The following COG5 variants were observed in gnomAD, a reference collection of about 807,000 sequenced individuals.
The protein encoded by COG5 is conserved oligomeric Golgi complex subunit 5.
In COG5, 86 loss-of-function variants were observed where a neutral mutation model predicts 110.4. The ratio of observed to expected loss-of-function variants is 0.78; its 90% CI spans 0.65 to 0.93. COG5 has a LOEUF of 0.93. Among genes scored for constraint, COG5 ranks in the 40% least tolerant of loss-of-function variants. COG5 has a pLI of 0.00. For synonymous variants in COG5, 360 were observed against 334.6 expected, an observed-to-expected ratio of 1.08 and a Z score of -0.83; for missense variants, 1,077 against 987.0, an observed-to-expected ratio of 1.09 and a Z score of -1.22.
intron 11 of COG5, among the ~76,000 whole-genome samples, chr7:107,300,014 C>A (rs1355635975): frequency 6.6e-6 from 1 of 151,212 alleles, no homozygotes; most frequent in East Asian, 1.9e-4. Flanking sequence ...AGCCAACATA[C>A]CTGGTCAGCT....
chr7:107,537,044 T>C (rs771246165), intron 5 of COG5, among the ~76,000 whole-genome samples: 2 of 152,190 alleles, frequency 1.3e-5, no homozygotes, highest in Non-Finnish European at 2.9e-5. Flanking sequence ...CCCTATTTAA[T>C]AAATGGTGCT....
chr7:107,448,196 AAAACATGGAATGTTATATT>A lies in COG5; in HGVS notation c.539-35583_539-35565del, dbSNP rs58838600. On this transcript the variant is annotated intron_variant, in intron 6 of 21. Coordinates refer to ENST00000297135, the MANE Select transcript of COG5 (RefSeq NM_006348.5). ...ATTCTTACTGACACCCTCCTCCCCC[AAAACATGGAATGTTATATT>A]GCTGAACAGCTGAAATTACTTCTTC... Among the ~76,000 whole-genome samples the A allele has an allele frequency of 3.7e-3, 557 of 152,228 alleles. 5 individuals are homozygous for A. Among genetic ancestry groups the A allele is most frequent in the African/African-American group, 0.013 (526 of 41,544 alleles).
At chr7:107,266,507 T>C (rs1384438924) in intron 14 of COG5, among the ~76,000 whole-genome samples, 1 of 152,228 alleles carries the variant, frequency 6.6e-6, no homozygotes, top group Non-Finnish European at 1.5e-5. Flanking sequence ...TTCCCCTTCA[T>C]TCATTAAACA....
Position 107,294,881 on chromosome 7 carries a change from T to TTG in COG5, c.1313+3259_1313+3260dup, listed in dbSNP as rs756358916. Among the ~76,000 whole-genome samples, 491 of 94,228 alleles carry TTG rather than the reference T, an allele frequency of 5.2e-3. 4 individuals are homozygous for TTG. The highest frequency in any genetic ancestry group is 6.0e-3 in the Non-Finnish European group (305 of 51,240). The allele number at this position is 94,228 out of a possible 152,430, so 61.8% of individuals were successfully genotyped here. On this transcript the variant is annotated intron_variant, in intron 12 of 21. Transcript: ENST00000297135. ...TAGGCATGTGCCACCATGCCTGGAT[T>TTG]TGTGTGTGTGTGTGTGTGTGTGTGT...
intron 5 of COG5, among the ~76,000 whole-genome samples, chr7:107,534,718 T>G (rs1022565394): frequency 1.3e-5 from 2 of 151,110 alleles, no homozygotes; most frequent in Admixed American, 6.6e-5. Flanking sequence ...ACAGTAACAG[T>G]GGGAGACATT....
intron 6 of COG5, among the ~76,000 whole-genome samples, chr7:107,484,075 C>A (rs2129122860): frequency 6.6e-6 from 1 of 152,020 alleles, no homozygotes; most frequent in East Asian, 1.9e-4. Context: ...TATAAAATAA[C>A]TTTAGCATTT....
intron 6 of COG5, among the ~76,000 whole-genome samples, chr7:107,497,168 C>T (rs964861813): frequency 2.6e-5 from 4 of 152,074 alleles, no homozygotes; most frequent in African/African-American, 9.7e-5. Flanking sequence ...TATGTCTGCG[C>T]CACTGCCACT....
chr7:107,259,775 G>T (rs1053467101), intron 14 of COG5, among the ~76,000 whole-genome samples: 4 of 152,036 alleles, frequency 2.6e-5, no homozygotes, highest in Non-Finnish European at 5.9e-5. Flanking sequence ...AATTTGTTTT[G>T]TGTGTTCAGT....
intron 7 of COG5, among the ~76,000 whole-genome samples, chr7:107,400,170 T>A (rs947268890): frequency 2.0e-4 from 31 of 152,062 alleles, no homozygotes; most frequent in African/African-American, 7.5e-4. Context: ...TAAATGCTCA[T>A]CAATAGGTGA....
At chr7:107,535,509 A>G (rs1801520712) in intron 5 of COG5, among the ~76,000 whole-genome samples, 1 of 151,896 alleles carries the variant, frequency 6.6e-6, no homozygotes, top group Admixed American at 6.5e-5. Context: ...AATACAAACT[A>G]CCATCACAGA....
intron 14 of COG5, among the ~76,000 whole-genome samples, chr7:107,268,480 T>C (rs1053436975): frequency 1.1e-4 from 17 of 152,338 alleles, no homozygotes; most frequent in Admixed American, 7.8e-4. Flanking sequence ...TATTCGTCAT[T>C]CTATGATTGT....
Position 107,563,543 on chromosome 7 carries a change from A to AAG in COG5, c.94+259_94+260insCT, listed in dbSNP as rs1491334770. ...CCGAAACTTCAGGGAAGCTGGAGGC[A>AAG]TGGGGGGGGGGGGGGTCGAGTTGAA... On this transcript the variant is annotated intron_variant, in intron 1 of 21. Transcript: ENST00000297135. 67 of 316,598 alleles carry AAG rather than the reference A, an allele frequency of 2.1e-4. 1 individual carries two copies. Among genetic ancestry groups the AAG allele is most frequent in the South Asian group, 1.5e-3 (65 of 43,410 alleles). 19.6% of individuals were successfully genotyped at this position (316,598 alleles called of 1,614,324 possible).
intron 10 of COG5, among the ~76,000 whole-genome samples, chr7:107,354,442 G>A (rs1264051912): frequency 6.6e-6 from 1 of 152,198 alleles, no homozygotes; most frequent in East Asian, 1.9e-4. Flanking sequence ...ACTTTGGGAA[G>A]CCAAGGCAGG....
At chr7:107,370,446 A>G (rs1814034687) in intron 8 of COG5, among the ~76,000 whole-genome samples, 1 of 152,160 alleles carries the variant, frequency 6.6e-6, no homozygotes, top group African/African-American at 2.4e-5. Context: ...CAATATAAAC[A>G]AGATCAGGAA....
intron 6 of COG5, among the ~76,000 whole-genome samples, chr7:107,480,406 A>G (rs549412721): frequency 1.3e-5 from 2 of 152,106 alleles, no homozygotes; most frequent in African/African-American, 2.4e-5. Flanking sequence ...GTAAGCCCCC[A>G]CTCAGGGACT....
chr7:107,449,694 GC>G (rs1369671974), intron 6 of COG5, among the ~76,000 whole-genome samples: 1 of 152,184 alleles, frequency 6.6e-6, no homozygotes, highest in Non-Finnish European at 1.5e-5. Context: ...AAGCTGAATT[GC>G]TTGATATGTG....
At chr7:107,491,300 GTAC>G (rs1797961151) in intron 6 of COG5, among the ~76,000 whole-genome samples, 1 of 151,972 alleles carries the variant, frequency 6.6e-6, no homozygotes, top group Non-Finnish European at 1.5e-5. Context: ...AATATCCTGG[GTAC>G]TCTTCCATCC....
rs565557368 is a variant in COG5, at chr7:107,513,937, T to C, written c.538+13300A>G. The stretch of plus-strand genomic sequence containing the variant: ...AGGGGAGGGAAAGCATTAGGAGATA[T>C]ACCTAATGCTAAATGACGAGTTAAT... On this transcript the variant is annotated intron_variant, in intron 6 of 21. Transcript: ENST00000297135. Among the ~76,000 whole-genome samples the C allele has an allele frequency of 1.3e-4, 19 of 151,984 alleles. No individual in the cohort carries two copies. The South Asian group carries it at 3.7e-3, about 30-fold the overall frequency.
At chr7:107,452,223 C>G (rs1005678908) in intron 6 of COG5, among the ~76,000 whole-genome samples, 1 of 152,172 alleles carries the variant, frequency 6.6e-6, no homozygotes, top group Non-Finnish European at 1.5e-5. Flanking sequence ...ATATTCCAAT[C>G]CATTTGACAT....
Sources: gnomAD v4.1 joint callset for allele counts (sites outside exome capture counted in the v4.1 genomes callset) on GRCh38, gnomAD v4.1.1 for gene constraint, MANE v1.5 for transcripts, NCBI Gene and HGNC (gene_info 2026-07-23, HGNC 2026-07-21) for gene names.